DNAH12: variants seen among roughly 807,000 people sequenced by gnomAD.
The protein encoded by DNAH12 is dynein axonemal heavy chain 12.
A neutral mutation model predicts 371.5 loss-of-function variants in DNAH12; 285 were observed. That is an observed-to-expected ratio of 0.77 (90% CI 0.70 to 0.85). The LOEUF (loss-of-function observed/expected upper bound fraction) is 0.85. DNAH12 is among the 40% of genes least tolerant of loss of function. The pLI is 0.00. For synonymous variants in DNAH12, 1,200 were observed against 1,213.0 expected (o/e 0.99, Z 0.22); for missense variants, 3,611 against 3,689.4 (o/e 0.98, Z 0.55).
At chr3:57,307,724 A>G (rs1385723902) in intron 69 of DNAH12, among the ~76,000 whole-genome samples, 1 of 152,142 alleles carries the variant, frequency 6.6e-6, no homozygotes, top group East Asian at 1.9e-4. Context: ...GGCAGGGACT[A>G]CAATCTGGCC....
chr3:57,424,245 G>A (rs1472426115), intron 35 of DNAH12, among the ~76,000 whole-genome samples: 2 of 151,650 alleles, frequency 1.3e-5, no homozygotes, highest in African/African-American at 2.4e-5. Context: ...CGAGGTGGGC[G>A]AATCACCTGA....
chr3:57,303,737 G>A (rs2061411632), intron 69 of DNAH12, among the ~76,000 whole-genome samples: 1 of 152,102 alleles, frequency 6.6e-6, no homozygotes, highest in South Asian at 2.1e-4. Context: ...CCAATGAAAT[G>A]ACAGGATTTA....
At position 57,446,281 on chromosome 3, in the gene DNAH12, AG is replaced by A. The variant is rs1481860035; in HGVS notation, c.3940-12del. 5 of 1,543,082 alleles carry A rather than the reference AG, an allele frequency of 3.2e-6. No homozygotes were observed. ...CAGTCCTTTAAAAAACTAAGGACAAAGAAAAAGGAAAGTGATTTTTTTCTCA... is the reference window on the plus strand; with the variant it reads ...CAGTCCTTTAAAAAACTAAGGACAAAAAAAAGGAAAGTGATTTTTTTCTCA... On this transcript the variant is annotated splice_polypyrimidine_tract_variant and intron_variant, in intron 26 of 73. Transcript: ENST00000495027.
the DNAH12 span, among the ~76,000 whole-genome samples, chr3:57,552,738 C>T: frequency 1.3e-5 from 2 of 151,374 alleles, no homozygotes; most frequent in Admixed American, 6.6e-5. Flanking sequence ...AGTGGGATCC[C>T]CCATCTCTAC....
chr3:57,526,022 C>G (rs1021158001), intron 2 of DNAH12, among the ~76,000 whole-genome samples: 2 of 152,040 alleles, frequency 1.3e-5, no homozygotes, highest in African/African-American at 2.4e-5. Flanking sequence ...CTCGGCCTCC[C>G]AAAGTGCTGG....
intron 58 of DNAH12, among the ~76,000 whole-genome samples, chr3:57,360,620 A>G (rs1575501797): frequency 6.6e-6 from 1 of 152,030 alleles, no homozygotes; most frequent in East Asian, 1.9e-4. Flanking sequence ...CTCGGAGGCG[A>G]AGGTTGCAAT....
At chr3:57,399,204 G>A (rs1031320473) in intron 43 of DNAH12, among the ~76,000 whole-genome samples, 44 of 151,882 alleles carry the variant, frequency 2.9e-4, no homozygotes, top group African/African-American at 1.0e-3. Context: ...AATAAAGAAT[G>A]CCCCTACAAA....
At chr3:57,504,365 A>G (rs951685690) in intron 8 of DNAH12, among the ~76,000 whole-genome samples, 161 bp from the exon 9 acceptor site, 1 of 152,010 alleles carries the variant, frequency 6.6e-6, no homozygotes, top group Non-Finnish European at 1.5e-5. Context: ...AGCATACTAT[A>G]TATATGTGTG....
At chr3:57,530,419 C>G in intron 2 of DNAH12, 1 of 621,972 alleles carries the variant, frequency 1.6e-6, no homozygotes, top group South Asian at 2.0e-5. Flanking sequence ...TAGCCATCTG[C>G]TGGGCCACAC....
chr3:57,449,643 C>T lies in DNAH12; in HGVS notation c.3787-2954G>A, dbSNP rs1284716912. On this transcript the variant is annotated intron_variant, in intron 25 of 73. Transcript: ENST00000495027. ...CAGGGCTGGCCGGCTGCTCAGAGTG[C>T]GGGGCCCGCCAAGCCCACGCCCACC... 2.6e-5 allele frequency among the ~76,000 whole-genome samples: 4 copies of T among 152,186 alleles called. 1 individual carries two copies. The highest frequency in any genetic ancestry group is 4.1e-4 in the South Asian group (2 of 4,828).
chr3:57,463,256 A>G (rs1354005177), intron 17 of DNAH12, among the ~76,000 whole-genome samples: 6 of 151,688 alleles, frequency 4.0e-5, no homozygotes, highest in Non-Finnish European at 8.8e-5. Flanking sequence ...CCTGGGTGAC[A>G]GAGTGAGGAC....
chr3:57,448,485 G>A (rs961720844), intron 25 of DNAH12, among the ~76,000 whole-genome samples: 3 of 152,172 alleles, frequency 2.0e-5, no homozygotes, highest in Non-Finnish European at 4.4e-5. Flanking sequence ...GGTCTCGCTG[G>A]CTTCAGGAGT....
intron 65 of DNAH12, among the ~76,000 whole-genome samples, chr3:57,320,896 T>C (rs946102794): frequency 6.6e-6 from 1 of 152,218 alleles, no homozygotes; most frequent in African/African-American, 2.4e-5. Flanking sequence ...GAGAAGTTGC[T>C]TGGTGAAGCC....
At chr3:57,463,808 C>T (rs181575227) in intron 17 of DNAH12, among the ~76,000 whole-genome samples, 293 of 152,082 alleles carry the variant, frequency 1.9e-3, no homozygotes, top group African/African-American at 6.7e-3. Context: ...TGCTCCGTCC[C>T]CCAGGCTGGA....
chr3:57,450,315 G>A (rs1013545177), intron 25 of DNAH12, among the ~76,000 whole-genome samples: 2 of 149,530 alleles, frequency 1.3e-5, no homozygotes, highest in South Asian at 2.1e-4. Context: ...TTGGGAGGCT[G>A]AGGTGGGCAG....
intron 70 of DNAH12, 117 bp from the exon 71 acceptor site, chr3:57,297,101 C>T: frequency 2.5e-6 from 3 of 1,176,954 alleles, no homozygotes; most frequent in Middle Eastern, 2.8e-4. Flanking sequence ...CATCACGAGG[C>T]CCTCTTCCCT....
chr3:57,454,817 G>A lies in DNAH12; in HGVS notation c.3414C>T (p.Phe1138=), dbSNP rs1490067201. The part of the protein sequence containing the change: ...GQVVLCISQM[F]WTSETQEVIS... ...TCACTTCCTGTGTCTCAGATGTCCA[G>A]AACATTTGAGAAATACAAAGTACAA... The change falls in exon 23 of 74, where the codon TTC becomes TTT. Residue 1138 remains phenylalanine, a synonymous_variant. Transcript: ENST00000495027. 6.4e-7 allele frequency: 1 copy of A among 1,551,292 alleles called. No individual in the cohort carries two copies. Among genetic ancestry groups the A allele is most frequent in the Non-Finnish European group, 8.7e-7 (1 of 1,146,778 alleles).
chr3:57,511,047 C>A, intron 4 of DNAH12, 68 bp from the exon 5 acceptor site: 1 of 1,168,724 alleles, frequency 8.6e-7, no homozygotes, highest in East Asian at 2.8e-5. Context: ...CCTGAACTCT[C>A]CCTTCCTAAG....
In DNAH12 at chr3:57,446,800, A is replaced by G. The variant is rs1439733674; in HGVS notation, c.3787-111T>C. The G allele has an allele frequency of 4.6e-6, 5 of 1,082,306 alleles. No homozygotes were observed. In the African/African-American group the frequency reaches 8.0e-5, roughly 17 times the overall value. The allele number at this position is 1,082,306 out of a possible 1,614,324, so 67.0% of individuals were successfully genotyped here. A position where few individuals can be genotyped will look rare whatever the true frequency, so the allele number is the denominator to read the frequency against. ...GTTCTGTAGCTTCAGAGAAGCCATT[A>G]TATAATTACATTGTTTAATTTTTAG... On this transcript the variant is annotated intron_variant, in intron 25 of 73. Coordinates refer to ENST00000495027, the MANE Select transcript of DNAH12 (RefSeq NM_001366028.2).
Sources: gnomAD v4.1 joint callset for allele counts (sites outside exome capture counted in the v4.1 genomes callset) on GRCh38, gnomAD v4.1.1 for gene constraint, MANE v1.5 for transcripts, NCBI Gene and HGNC (gene_info 2026-07-23, HGNC 2026-07-21) for gene names.